The following B3GALNT2 variants were observed in gnomAD, a reference collection of about 807,000 sequenced individuals.
B3GALNT2 encodes the protein UDP-GalNAc:beta-1,3-N-acetylgalactosaminyltransferase 2.
In B3GALNT2, 53 loss-of-function variants were observed where a neutral mutation model predicts 61.1. The observed-to-expected ratio is 0.87, with a 90% CI of 0.70 to 1.09. B3GALNT2 has a LOEUF of 1.09. Ranked by LOEUF, B3GALNT2 falls within the 50% of genes least tolerant of loss-of-function variation. The probability of loss-of-function intolerance (pLI) is 0.00; values close to 1 mark genes in which losing one functional copy is unlikely to be tolerated. For synonymous variants in B3GALNT2, 223 were observed against 237.4 expected (o/e 0.94, Z 0.56); for missense variants, 544 against 623.0 (o/e 0.87, Z 1.35).
At chr1:235,466,639 G>A (rs181982310) in intron 6 of B3GALNT2, among the ~76,000 whole-genome samples, 3 of 152,308 alleles carry the variant, frequency 2.0e-5, no homozygotes, top group Admixed American at 6.5e-5. Context: ...ACAGGTGTGG[G>A]CCACTGTGCC....
Position 235,453,112 on chromosome 1 carries a change from G to A in B3GALNT2, c.1346C>T (p.Ala449Val). The A allele has an allele frequency of 6.2e-7, 1 of 1,613,152 alleles. No individual in the cohort carries two copies. The highest frequency in any genetic ancestry group is 8.5e-7 in the Non-Finnish European group (1 of 1,179,184). Residue 449 changes from alanine to valine, a missense_variant, in exon 11 of 12, where the codon GCC becomes GTC. Physicochemically the swap from Ala to Val is moderately conservative, Grantham distance 64. Coordinates refer to ENST00000366600, the MANE Select transcript of B3GALNT2 (RefSeq NM_152490.5). ...TACCTGGTATCTTTTAGGTCCTATG[G>A]CAGCCATCCAGATGCCCATGCTTAC... ...EDVSMGIWMA[A>V]IGPKRYQDSL...
At chr1:235,501,219 C>T (rs1056904899) in intron 1 of B3GALNT2, among the ~76,000 whole-genome samples, 4 of 152,148 alleles carry the variant, frequency 2.6e-5, no homozygotes, top group South Asian at 2.1e-4. Context: ...TTCCTTAGTC[C>T]GATGGTTATC....
At chr1:235,492,216 T>C (rs1385915178) in intron 2 of B3GALNT2, among the ~76,000 whole-genome samples, 2 of 152,216 alleles carry the variant, frequency 1.3e-5, no homozygotes, top group African/African-American at 2.4e-5. Flanking sequence ...ATACCTTTCA[T>C]AGATAACTAG....
intron 5 of B3GALNT2, among the ~76,000 whole-genome samples, chr1:235,475,342 G>GA (rs1398505581): frequency 2.0e-5 from 3 of 151,980 alleles, no homozygotes; most frequent in African/African-American, 7.3e-5. Context: ...CTTCACTTGT[G>GA]AAGAATCACT....
Position 235,454,320 on chromosome 1 carries a change from G to A in B3GALNT2, c.1152-5C>T, listed in dbSNP as rs767643583. ...ACTGCCCAATTCAGTCTGAAACTGA[G>A]ATGAAAAATAATGTGGCCTCTTGTG... On this transcript the variant is annotated splice_polypyrimidine_tract_variant and splice_region_variant and intron_variant, in intron 9 of 11. Coordinates refer to ENST00000366600, the MANE Select transcript of B3GALNT2 (RefSeq NM_152490.5). The A allele has an allele frequency of 3.1e-6, 5 of 1,605,766 alleles. No individual in the cohort carries two copies. The African/African-American group carries it at 5.4e-5, about 17-fold the overall frequency.
intron 6 of B3GALNT2, among the ~76,000 whole-genome samples, chr1:235,470,357 T>C (rs1342954569): frequency 1.3e-5 from 2 of 151,914 alleles, no homozygotes; most frequent in East Asian, 3.9e-4. Flanking sequence ...TTGGGAAGCG[T>C]AGGTGGGCGG....
At chr1:235,467,486 T>A in intron 6 of B3GALNT2, among the ~76,000 whole-genome samples, 1 of 146,276 alleles carries the variant, frequency 6.8e-6, no homozygotes, top group South Asian at 2.1e-4. Flanking sequence ...TTATTTACTT[T>A]TTTTTTTTTT....
intron 1 of B3GALNT2, among the ~76,000 whole-genome samples, chr1:235,501,832 G>A (rs573755560): frequency 6.6e-6 from 1 of 151,638 alleles, no homozygotes; most frequent in African/African-American, 2.4e-5. Flanking sequence ...TTTTTCTCCT[G>A]TTAGGCTTAA....
chr1:235,503,223 T>C (rs1442841851), intron 1 of B3GALNT2, among the ~76,000 whole-genome samples: 1 of 152,202 alleles, frequency 6.6e-6, no homozygotes, highest in Non-Finnish European at 1.5e-5. Flanking sequence ...AAAGTCCCAG[T>C]ATAGTTACAA....
Position 235,455,575 on chromosome 1 carries a change from T to C in B3GALNT2, c.1135A>G (p.Asn379Asp), listed in dbSNP as rs370330608. ...RIVQKNLDGPNFWWGNFRLNW... is the reference protein window; with the variant it reads ...RIVQKNLDGPDFWWGNFRLNW... ...TTAACTTACTTTCCCCACCAAAAAT[T>C]AGGCCCATCCAGATTCTTTTGGACA... is the stretch of plus-strand genomic sequence containing the variant. The change falls in exon 9 of 12, where the codon AAT becomes GAT. Residue 379 changes from asparagine (N) to aspartate (D), a missense_variant. Coordinates refer to ENST00000366600, the MANE Select transcript of B3GALNT2 (RefSeq NM_152490.5). 1.2e-6 allele frequency: 2 copies of C among 1,612,800 alleles called. No individual in the cohort carries two copies. The highest frequency in any genetic ancestry group is 1.3e-5 in the African/African-American group (1 of 74,882).
rs2102880458 is a variant in B3GALNT2, at chr1:235,504,200, T to G, written c.53A>C (p.His18Pro). Residue 18 changes from histidine to proline, a missense_variant, in exon 1 of 12, where the codon CAC becomes CCC. By Grantham distance (77) the His-to-Pro change is moderately conservative. Transcript: ENST00000366600. ...CGGGGAGCGCAGCCGCAGCCAGAGG[T>G]GCAGCGCGGCCCCGAGCACACACGG... ...LCPCVLGAAL[H>P]LWLRLRSPPP... is the part of the protein sequence containing the mutation. 1.4e-6 allele frequency: 2 copies of G among 1,394,202 alleles called. No homozygotes were observed. The highest frequency in any genetic ancestry group is 1.5e-5 in the South Asian group (1 of 65,366). 86.4% of individuals were successfully genotyped at this position (1,394,202 alleles called of 1,614,324 possible).
downstream of B3GALNT2, among the ~76,000 whole-genome samples, chr1:235,446,600 T>G (rs1682330007): frequency 6.6e-6 from 1 of 152,150 alleles, no homozygotes; most frequent in African/African-American, 2.4e-5. Flanking sequence ...ATTTTCTGAA[T>G]GTTAAGACAG....
At chr1:235,455,415 G>T in intron 9 of B3GALNT2, 144 bp downstream of exon 9, 1 of 908,186 alleles carries the variant, frequency 1.1e-6, no homozygotes, top group Non-Finnish European at 1.6e-6. Context: ...CTGACCTAGA[G>T]TAATGAAATA....
intron 5 of B3GALNT2, among the ~76,000 whole-genome samples, chr1:235,476,781 C>G (rs910214260): frequency 1.6e-4 from 24 of 150,710 alleles, no homozygotes; most frequent in Non-Finnish European, 2.4e-4. Flanking sequence ...ACGTGGGAGG[C>G]AGAGGTTGCA....
chr1:235,465,488 C>T (rs1297366583), intron 7 of B3GALNT2, 148 bp downstream of exon 7: 2 of 1,257,506 alleles, frequency 1.6e-6, no homozygotes, highest in South Asian at 1.8e-5. Context: ...TAAGAATACA[C>T]TAAAACCACT....
At chr1:235,474,326 T>C (rs1471220854) in intron 5 of B3GALNT2, among the ~76,000 whole-genome samples, 1 of 152,196 alleles carries the variant, frequency 6.6e-6, no homozygotes, top group Non-Finnish European at 1.5e-5. Flanking sequence ...AAATGAGATA[T>C]CATATCTATC....
rs1037891092 is a variant in B3GALNT2 at position 235,504,144 on chromosome 1, C to T, written c.109G>A (p.Ala37Thr). 2.6e-5 allele frequency: 33 copies of T among 1,274,142 alleles called. No individual in the cohort carries two copies. Among genetic ancestry groups the T allele is most frequent in the African/African-American group, 3.1e-5 (2 of 64,026 alleles). 78.9% of individuals were successfully genotyped at this position (1,274,142 alleles called of 1,614,324 possible). Residue 37 changes from alanine (A) to threonine (T), a missense_variant, in exon 1 of 12, where the codon GCA (alanine) becomes ACA (threonine). Physicochemically the swap from Ala to Thr is moderately conservative, Grantham distance 58. Coordinates refer to ENST00000366600, the MANE Select transcript of B3GALNT2 (RefSeq NM_152490.5). Reference sequence around the variant, plus strand: ...CCGCCCGGCCCCAGGACCTCACCTGCAGGGCCGGCCCCGGAGGCGCAGGCG... The same window carrying T: ...CCGCCCGGCCCCAGGACCTCACCTGTAGGGCCGGCCCCGGAGGCGCAGGCG... ...PPACASGAGPADQLALFPQWK... is the reference protein window; with the variant it reads ...PPACASGAGPTDQLALFPQWK...
intron 10 of B3GALNT2, 136 bp downstream of exon 10, chr1:235,454,020 A>T: frequency 1.4e-6 from 1 of 710,044 alleles, no homozygotes; most frequent in Non-Finnish European, 2.1e-6. Context: ...ATTTTTTATT[A>T]TAGAGATGGG....
intron 1 of B3GALNT2, among the ~76,000 whole-genome samples, chr1:235,502,053 C>G (rs1290083645): frequency 6.6e-6 from 1 of 152,200 alleles, no homozygotes; most frequent in Non-Finnish European, 1.5e-5. Context: ...GCTCTTGTCA[C>G]CCAGGCTGGA....
Sources: allele counts gnomAD v4.1 joint callset (sites outside exome capture counted in the v4.1 genomes callset), GRCh38; gene constraint gnomAD v4.1.1; transcripts MANE v1.5; gene names NCBI Gene and HGNC (gene_info 2026-07-23, HGNC 2026-07-21).